Variants in PROCR observed in about 807,000 individuals in gnomAD.
PROCR encodes the protein protein C receptor.
In PROCR, 22 loss-of-function variants were observed where a neutral mutation model predicts 24.2. The observed-to-expected ratio is 0.91, with a 90% CI of 0.65 to 1.30. PROCR has a LOEUF of 1.30. Among genes scored for constraint, PROCR ranks in the 50% most tolerant of loss-of-function variants. PROCR has a pLI of 0.00. For synonymous variants in PROCR, 137 were observed against 139.2 expected (o/e 0.98, Z 0.11); for missense variants, 288 against 307.7 (o/e 0.94, Z 0.48).
downstream of PROCR, among the ~76,000 whole-genome samples, chr20:35,180,651 T>C (rs2086069720): frequency 6.6e-6 from 1 of 152,158 alleles, no homozygotes; most frequent in East Asian, 1.9e-4. Flanking sequence ...TCTCAGCCTC[T>C]GCTTCCAGAT....
chr20:35,175,074 T>A, intron 2 of PROCR, 121 bp downstream of exon 2: 1 of 1,140,274 alleles, frequency 8.8e-7, no homozygotes, highest in Non-Finnish European at 1.2e-6. Flanking sequence ...CGGCAGCCAC[T>A]GGAGCTCGGT....
intron 1 of PROCR, among the ~76,000 whole-genome samples, chr20:35,192,093 T>C (rs891104262): frequency 3.9e-5 from 6 of 152,102 alleles, no homozygotes; most frequent in South Asian, 2.1e-4. Context: ...AAAGACAGTA[T>C]TGGCAAGGAT....
chr20:35,175,373 C>G (rs933093269), intron 2 of PROCR, among the ~76,000 whole-genome samples: 2 of 146,110 alleles, frequency 1.4e-5, no homozygotes, highest in African/African-American at 5.1e-5. Context: ...TGACTTCGCT[C>G]TTAGCTCCAC....
At chr20:35,171,139 G>A (rs1349523718), upstream of PROCR, among the ~76,000 whole-genome samples, 10 of 152,106 alleles carry the variant, frequency 6.6e-5, no homozygotes, top group Non-Finnish European at 1.3e-4. Context: ...GGCCTCAAGT[G>A]ATCTGCCCAC....
chr20:35,200,066 A>G (rs2060313021), intron 1 of PROCR, among the ~76,000 whole-genome samples: 1 of 152,262 alleles, frequency 6.6e-6, no homozygotes, highest in Non-Finnish European at 1.5e-5. Flanking sequence ...CTGTAATCTC[A>G]TGATAAGACT....
chr20:35,205,888 T>TATACATATATAC, intron 1 of PROCR, among the ~76,000 whole-genome samples: 2 of 146,690 alleles, frequency 1.4e-5, no homozygotes, highest in South Asian at 4.3e-4. Flanking sequence ...TATGTATATA[T>TATACATATATAC]GTGTATGACC....
chr20:35,172,150 T>C lies in PROCR; in HGVS notation c.-5T>C, dbSNP rs1319796683. The C allele has an allele frequency of 6.2e-7, 1 of 1,613,894 alleles. No individual in the cohort carries two copies. Among genetic ancestry groups the C allele is most frequent in the African/African-American group, 1.3e-5 (1 of 74,866 alleles). On this transcript the variant is annotated 5_prime_UTR_variant, in exon 1 of 4. Transcript: ENST00000216968. ...GGAACCCAGGTCCGGAGCCTCAACT[T>C]CAGGATGTTGACAACATTGCTGCCG...
chr20:35,177,103 AG>A lies in PROCR; in HGVS notation c.*292del. 1.6e-6 allele frequency: 2 copies of A among 1,218,518 alleles called. No homozygotes were observed. The highest frequency in any genetic ancestry group is 3.2e-5 in the South Asian group (2 of 63,070). The allele number at this position is 1,218,518 out of a possible 1,614,324, so 75.5% of individuals were successfully genotyped here. A position where few individuals can be genotyped will look rare whatever the true frequency, so the allele number is the denominator to read the frequency against. On this transcript the variant is annotated 3_prime_UTR_variant, in exon 4 of 4. Transcript: ENST00000216968. ...GGAAAACAGATAATGGAGTTGGGGC[AG>A]GAAGCCTATGGCCCATCCTCCAAAG... is the stretch of plus-strand genomic sequence containing the variant.
upstream of PROCR, chr20:35,171,923 G>A (rs1435014789): frequency 5.1e-6 from 3 of 594,052 alleles, no homozygotes; most frequent in African/African-American, 1.8e-5. Context: ...AATGAAGGGC[G>A]GGGCAGAGGG....
chr20:35,180,814 T>A (rs1416394257), downstream of PROCR, among the ~76,000 whole-genome samples: 3 of 152,190 alleles, frequency 2.0e-5, no homozygotes, highest in Non-Finnish European at 2.9e-5. Flanking sequence ...GAAACACAGA[T>A]CTAATTGTGT....
At chr20:35,192,918 A>G (rs769346553) in intron 1 of PROCR, among the ~76,000 whole-genome samples, 25 of 152,240 alleles carry the variant, frequency 1.6e-4, no homozygotes, top group Admixed American at 3.9e-4. Flanking sequence ...ATTATACTAT[A>G]TTTACATAAT....
intron 1 of PROCR, among the ~76,000 whole-genome samples, chr20:35,192,448 G>T (rs993533187): frequency 1.3e-5 from 2 of 151,256 alleles, no homozygotes; most frequent in East Asian, 1.9e-4. Flanking sequence ...TTTATCAGAG[G>T]CTTGGACTGC....
intron 1 of PROCR, among the ~76,000 whole-genome samples, chr20:35,201,581 G>C (rs957820239): frequency 1.3e-5 from 2 of 151,916 alleles, no homozygotes; most frequent in East Asian, 3.9e-4. Flanking sequence ...CCAGCTACTC[G>C]GGAGGCTGAG....
chr20:35,178,507 G>GTTTTGTTTTGTTTTTTTTTT (rs1272557859), downstream of PROCR, among the ~76,000 whole-genome samples: 3 of 34,372 alleles, frequency 8.7e-5, 1 homozygote, highest in African/African-American at 5.5e-4. Flanking sequence ...TCAAGTCTCA[G>GTTTTGTTTTGTTTTTTTTTT]TTTTTTTTTT....
chr20:35,185,991 T>C (rs1166661676), intron 1 of PROCR, among the ~76,000 whole-genome samples: 3 of 152,338 alleles, frequency 2.0e-5, no homozygotes, highest in South Asian at 4.1e-4. Flanking sequence ...TATAGCACTT[T>C]GGAAAACAAT....
At chr20:35,194,382 T>C (rs2086198662) in intron 1 of PROCR, among the ~76,000 whole-genome samples, 1 of 152,156 alleles carries the variant, frequency 6.6e-6, no homozygotes, top group Non-Finnish European at 1.5e-5. Flanking sequence ...AGGTAGATAA[T>C]AAAGTATGTT....
chr20:35,176,659 G>A (rs755532647), intron 3 of PROCR, 39 bp from the exon 4 acceptor site: 2 of 1,580,808 alleles, frequency 1.3e-6, no homozygotes, highest in Non-Finnish European at 1.7e-6. Flanking sequence ...GACTCCTTGG[G>A]GGCCTATTCT....
In PROCR at chr20:35,211,998, C is replaced by T. The variant is rs371980351; in HGVS notation, c.95-3895C>T. Among the ~76,000 whole-genome samples the T allele has an allele frequency of 2.0e-5, 3 of 150,182 alleles. No individual in the cohort carries two copies. In the East Asian group the frequency reaches 5.8e-4, roughly 29 times the overall value. ...TGCCACTGCACTCCAGCCTGGGTTA[C>T]AAGAGTGAAACTCTGTCTCAAGAAA... On this transcript the variant is annotated intron_variant, in intron 1 of 1. Transcript: ENST00000634509.
chr20:35,208,542 A>G (rs1006320053), intron 1 of PROCR, among the ~76,000 whole-genome samples: 1 of 151,984 alleles, frequency 6.6e-6, no homozygotes, highest in Non-Finnish European at 1.5e-5. Context: ...TGAGTACTGG[A>G]CTCTCTCAGT....
Sources: gnomAD v4.1 joint callset for allele counts (sites outside exome capture counted in the v4.1 genomes callset) on GRCh38, gnomAD v4.1.1 for gene constraint, MANE v1.5 for transcripts, NCBI Gene and HGNC (gene_info 2026-07-23, HGNC 2026-07-21) for gene names.